Variants in MOB3B observed in about 807,000 individuals in gnomAD.
MOB3B encodes MOB kinase activator-like 2B.
In MOB3B, 7 loss-of-function variants were observed where a neutral mutation model predicts 18.7. The observed-to-expected ratio is 0.37, with a 90% CI of 0.21 to 0.70. The LOEUF is 0.70. MOB3B is among the 30% of genes least tolerant of loss of function. MOB3B has a pLI of 0.52. For synonymous variants in MOB3B, 111 were observed against 99.9 expected (o/e 1.11, Z -0.66); for missense variants, 253 against 281.3 (o/e 0.90, Z 0.72).
At chr9:27,393,186 C>T (rs1434585126) in intron 2 of MOB3B, among the ~76,000 whole-genome samples, 1 of 152,130 alleles carries the variant, frequency 6.6e-6, no homozygotes, top group Non-Finnish European at 1.5e-5. Flanking sequence ...TAAATCCTTG[C>T]TATAGGTGTT....
At chr9:27,360,502 C>T (rs1821259669) in intron 2 of MOB3B, among the ~76,000 whole-genome samples, 1 of 152,176 alleles carries the variant, frequency 6.6e-6, no homozygotes, top group Admixed American at 6.5e-5. Flanking sequence ...GAGACTCCGT[C>T]TCAAACAAAC....
intron 3 of MOB3B, among the ~76,000 whole-genome samples, chr9:27,337,120 A>C (rs1820876165): frequency 6.6e-6 from 1 of 152,210 alleles, no homozygotes. Context: ...CTGCAGCAGA[A>C]GTACAGAAGC....
At chr9:27,413,878 C>T (rs1213393241) in intron 2 of MOB3B, among the ~76,000 whole-genome samples, 2 of 152,084 alleles carry the variant, frequency 1.3e-5, no homozygotes, top group East Asian at 3.9e-4. Context: ...TCTAATAAAA[C>T]CAAGCCATAG....
At chr9:27,480,120 A>G (rs1819624775) in intron 1 of MOB3B, among the ~76,000 whole-genome samples, 1 of 149,942 alleles carries the variant, frequency 6.7e-6, no homozygotes, top group African/African-American at 2.4e-5. Flanking sequence ...AGGGGAAATG[A>G]GGAAGGAAAT....
intron 2 of MOB3B, among the ~76,000 whole-genome samples, chr9:27,432,943 C>G (rs1232071991): frequency 1.3e-5 from 2 of 152,180 alleles, no homozygotes; most frequent in Non-Finnish European, 2.9e-5. Context: ...ATGGAATTCT[C>G]TATTCATCTG....
intron 2 of MOB3B, among the ~76,000 whole-genome samples, chr9:27,421,887 T>C (rs1022093292): frequency 2.0e-5 from 3 of 152,176 alleles, no homozygotes; most frequent in Non-Finnish European, 4.4e-5. Flanking sequence ...CATCACTCTC[T>C]AGCTGCTTTT....
At chr9:27,512,791 T>C (rs1172488998) in intron 1 of MOB3B, among the ~76,000 whole-genome samples, 1 of 152,224 alleles carries the variant, frequency 6.6e-6, no homozygotes, top group Non-Finnish European at 1.5e-5. Flanking sequence ...ACTTCACAAT[T>C]ATATGATTAT....
intron 2 of MOB3B, among the ~76,000 whole-genome samples, chr9:27,359,856 AAAGC>A (rs1821248309): frequency 6.6e-6 from 1 of 152,238 alleles, no homozygotes; most frequent in Admixed American, 6.5e-5. Context: ...CCAGCTCAGT[AAAGC>A]AACAAATTGC....
In MOB3B at chr9:27,429,279, C is replaced by T. The variant is rs567523504; in HGVS notation, c.418+25854G>A. Among the ~76,000 whole-genome samples the T allele has an allele frequency of 2.0e-5, 3 of 152,194 alleles. No homozygotes were observed. The East Asian group carries it at 5.8e-4, about 29-fold the overall frequency. On this transcript the variant is annotated intron_variant, in intron 2 of 3. Transcript: ENST00000262244. Reference sequence around the variant, plus strand: ...CTTGGAAAGCCCAATGAAATATGGCCATCAAAACAAACCAGCCAGCTGCAT... The same window carrying T: ...CTTGGAAAGCCCAATGAAATATGGCTATCAAAACAAACCAGCCAGCTGCAT...
chr9:27,353,462 A>G (rs1888380), intron 3 of MOB3B, among the ~76,000 whole-genome samples: 65,306 of 152,052 alleles, frequency 0.43, 14,280 homozygotes, highest in Middle Eastern at 0.53. Flanking sequence ...AGAAACCCCT[A>G]TGGTCCAAGC....
chr9:27,371,513 G>A (rs567717199), intron 2 of MOB3B, among the ~76,000 whole-genome samples: 5 of 152,326 alleles, frequency 3.3e-5, no homozygotes, highest in African/African-American at 1.2e-4. Context: ...AAGGGATAGG[G>A]AAGAAACCAG....
At chr9:27,355,086 A>C (rs1169516734) in intron 3 of MOB3B, among the ~76,000 whole-genome samples, 1 of 152,168 alleles carries the variant, frequency 6.6e-6, no homozygotes, top group Non-Finnish European at 1.5e-5. Context: ...CAGGGTTGGA[A>C]CCCACAGAGT....
chr9:27,357,770 G>A (rs1003833613), intron 3 of MOB3B, among the ~76,000 whole-genome samples: 5 of 151,344 alleles, frequency 3.3e-5, no homozygotes, highest in African/African-American at 1.2e-4. Flanking sequence ...AATAAAACCT[G>A]GCCAGGCATG....
chr9:27,527,580 T>C (rs967575817), intron 1 of MOB3B, among the ~76,000 whole-genome samples: 2 of 152,134 alleles, frequency 1.3e-5, no homozygotes, highest in African/African-American at 4.8e-5. Flanking sequence ...AATGTCTGAG[T>C]GGGTACATAG....
chr9:27,344,821 T>C lies in MOB3B; in HGVS notation c.622-14205A>G, dbSNP rs7868023. Among the ~76,000 whole-genome samples, 1,373 of 152,368 alleles carry C rather than the reference T, an allele frequency of 9.0e-3. 17 individuals are homozygous for C. Among genetic ancestry groups the C allele is most frequent in the African/African-American group, 0.031 (1,283 of 41,590 alleles). On this transcript the variant is annotated intron_variant, in intron 3 of 3. Coordinates refer to ENST00000262244, the MANE Select transcript of MOB3B (RefSeq NM_024761.5). ...GATGTGCTGTGAGCACTCTGGTCCTTTCCACCAGTTTCCCAGAGCATAGGT... is the reference window on the plus strand; with the variant it reads ...GATGTGCTGTGAGCACTCTGGTCCTCTCCACCAGTTTCCCAGAGCATAGGT...
intron 1 of MOB3B, among the ~76,000 whole-genome samples, chr9:27,483,209 T>C (rs967786137): frequency 1.5e-5 from 2 of 135,378 alleles, no homozygotes; most frequent in Admixed American, 9.2e-5. Context: ...CTTGGCTCAC[T>C]GCAAGCTCCG....
intron 1 of MOB3B, among the ~76,000 whole-genome samples, chr9:27,469,023 G>T (rs776446766): frequency 6.6e-6 from 1 of 152,180 alleles, no homozygotes; most frequent in Non-Finnish European, 1.5e-5. Flanking sequence ...AAAGATCTTT[G>T]CAATACCACG....
intron 2 of MOB3B, among the ~76,000 whole-genome samples, chr9:27,410,736 T>C (rs2131401379): frequency 6.6e-6 from 1 of 151,932 alleles, no homozygotes; most frequent in South Asian, 2.1e-4. Flanking sequence ...GTTACTTTCT[T>C]TAAAATGAAA....
At chr9:27,465,569 C>T (rs947922595) in intron 1 of MOB3B, among the ~76,000 whole-genome samples, 1 of 152,234 alleles carries the variant, frequency 6.6e-6, no homozygotes, top group Non-Finnish European at 1.5e-5. Flanking sequence ...CCAGTAGGGA[C>T]TCTGTGTGGG....
Sources: gnomAD v4.1 joint callset for allele counts (sites outside exome capture counted in the v4.1 genomes callset) on GRCh38, gnomAD v4.1.1 for gene constraint, MANE v1.5 for transcripts, NCBI Gene and HGNC (gene_info 2026-07-23, HGNC 2026-07-21) for gene names.